C1orf174: variants seen among roughly 807,000 people sequenced by gnomAD.
C1orf174 encodes chromosome 1 open reading frame 174.
Under a neutral mutation model 18.4 loss-of-function variants are expected in C1orf174, and 13 were observed. That is an observed-to-expected ratio of 0.71 (90% confidence interval 0.46 to 1.12). The LOEUF (loss-of-function observed/expected upper bound fraction) is 1.12. C1orf174 is among the 50% of genes most tolerant of loss of function. The probability of loss-of-function intolerance (pLI) is 0.00; values close to 1 mark genes in which losing one functional copy is unlikely to be tolerated. For synonymous variants in C1orf174, 100 were observed against 118.3 expected (o/e 0.85, Z 1.01); for missense variants, 309 against 308.0 (o/e 1.00, Z -0.02).
chr1:3,897,892 TG>T (rs943532014), intron 1 of C1orf174, among the ~76,000 whole-genome samples: 19 of 152,104 alleles, frequency 1.2e-4, no homozygotes, highest in Admixed American at 3.9e-4. Context: ...ATCAATCTCC[TG>T]ACCTTGTGAT....
chr1:3,892,834 T>TGGACCC (rs1557739364), intron 2 of C1orf174, 49 bp downstream of exon 2: 1 of 1,592,832 alleles, frequency 6.3e-7, no homozygotes, highest in African/African-American at 1.3e-5. Context: ...TGTATAAAAA[T>TGGACCC]GGACCCTCGA....
At chr1:3,891,587 C>G in intron 2 of C1orf174, 2 of 987,420 alleles carry the variant, frequency 2.0e-6, no homozygotes, top group Non-Finnish European at 2.4e-6. Flanking sequence ...CAAGTCCTAA[C>G]CCCTCAACTG....
intron 1 of C1orf174, among the ~76,000 whole-genome samples, chr1:3,894,849 C>A (rs181923416): frequency 6.6e-6 from 1 of 152,202 alleles, no homozygotes; most frequent in Non-Finnish European, 1.5e-5. Flanking sequence ...CCACAGCACA[C>A]CGGGGGCTGC....
rs1258952319 is a variant in C1orf174, at chr1:3,889,870, G to T, written c.*90C>A. On this transcript the variant is annotated 3_prime_UTR_variant, in exon 4 of 4. Coordinates refer to ENST00000361605, the MANE Select transcript of C1orf174 (RefSeq NM_207356.3). Reference sequence around the variant, plus strand: ...TGAAGTTTGATTAAGACATTCTCTTGGAGATACATTTTATATAAATCTTGT... The same window carrying T: ...TGAAGTTTGATTAAGACATTCTCTTTGAGATACATTTTATATAAATCTTGT... 4.3e-6 allele frequency: 5 copies of T among 1,168,152 alleles called. No individual in the cohort carries two copies. The East Asian group carries it at 9.4e-5, about 22-fold the overall frequency. The allele number at this position is 1,168,152 out of a possible 1,614,324, so 72.4% of individuals were successfully genotyped here. A position where few individuals can be genotyped will look rare whatever the true frequency, so the allele number is the denominator to read the frequency against.
At chr1:3,894,901 C>T (rs971975675) in intron 1 of C1orf174, among the ~76,000 whole-genome samples, 3 of 152,316 alleles carry the variant, frequency 2.0e-5, no homozygotes, top group African/African-American at 4.8e-5. Flanking sequence ...CTGAGAGCCC[C>T]GGCAGACGTC....
intron 3 of C1orf174, 43 bp from the exon 4 acceptor site, chr1:3,890,116 T>C: frequency 6.8e-7 from 1 of 1,480,214 alleles, no homozygotes; most frequent in Non-Finnish European, 9.4e-7. Flanking sequence ...GAGCAATACA[T>C]ATCTGCACCC....
intron 1 of C1orf174, among the ~76,000 whole-genome samples, chr1:3,899,066 C>T (rs2124789376): frequency 6.6e-6 from 1 of 151,994 alleles, no homozygotes; most frequent in South Asian, 2.1e-4. Flanking sequence ...GAAAAAAAAT[C>T]ATTAAATTAA....
chr1:3,889,733 G>T lies in C1orf174; in HGVS notation c.*227C>A. ...AAAAAAAAAAAAAAGAAAGGACATT[G>T]GCACAGTACAGCAGCTTTGCAACCT... On this transcript the variant is annotated 3_prime_UTR_variant, in exon 4 of 4. Coordinates refer to ENST00000361605, the MANE Select transcript of C1orf174 (RefSeq NM_207356.3). The T allele has an allele frequency of 4.8e-6, 2 of 418,300 alleles. No homozygotes were observed. The highest frequency in any genetic ancestry group is 8.7e-6 in the Non-Finnish European group (2 of 228,762). 25.9% of individuals were successfully genotyped at this position (418,300 alleles called of 1,614,324 possible). A position where few individuals can be genotyped will look rare whatever the true frequency, so the allele number is the denominator to read the frequency against.
chr1:3,896,348 AC>A (rs1427623277), intron 1 of C1orf174, among the ~76,000 whole-genome samples: 6 of 152,130 alleles, frequency 3.9e-5, no homozygotes, highest in African/African-American at 1.4e-4. Context: ...GGCCCCATCA[AC>A]CCCGTCCTAG....
chr1:3,889,889 ATC>A lies in C1orf174; in HGVS notation c.*69_*70del. On this transcript the variant is annotated 3_prime_UTR_variant, in exon 4 of 4. Coordinates refer to ENST00000361605, the MANE Select transcript of C1orf174 (RefSeq NM_207356.3). ...TCTCTTGGAGATACATTTTATATAA[ATC>A]TTGTAATGTGCTAAATTGTCAAATT... 7.7e-7 allele frequency: 1 copy of A among 1,298,450 alleles called. No individual in the cohort carries two copies. The highest frequency in any genetic ancestry group is 1.1e-6 in the Non-Finnish European group (1 of 893,546). 80.4% of individuals were successfully genotyped at this position (1,298,450 alleles called of 1,614,324 possible).
intron 1 of C1orf174, chr1:3,895,371 C>T (rs1638588253): frequency 1.3e-5 from 2 of 152,280 alleles, no homozygotes; most frequent in Non-Finnish European, 1.5e-5. Context: ...TGTTCTACGC[C>T]TGCACGTCTT....
Position 3,892,661 on chromosome 1 carries a change from C to G in C1orf174, c.129+222G>C, listed in dbSNP as rs1353599340. 2.2e-6 allele frequency: 3 copies of G among 1,381,240 alleles called. No homozygotes were observed. The South Asian group carries it at 4.5e-5, about 21-fold the overall frequency. The allele number at this position is 1,381,240 out of a possible 1,614,324, so 85.6% of individuals were successfully genotyped here. On this transcript the variant is annotated intron_variant, in intron 2 of 3. Coordinates refer to ENST00000361605, the MANE Select transcript of C1orf174 (RefSeq NM_207356.3). ...ATCAGAGCCCGGGTCTAGACACACA[C>G]ACGGGTGGGCGGGTGCTAGGAGAGC...
At chr1:3,896,720 G>A (rs1013700623) in intron 1 of C1orf174, among the ~76,000 whole-genome samples, 9 of 152,216 alleles carry the variant, frequency 5.9e-5, no homozygotes, top group Non-Finnish European at 1.3e-4. Context: ...AGGCCTCTTG[G>A]ACACAGAACA....
intron 1 of C1orf174, 117 bp downstream of exon 1, chr1:3,900,055 G>A: frequency 7.7e-7 from 1 of 1,303,622 alleles, no homozygotes; most frequent in Non-Finnish European, 1.0e-6. Context: ...CGAGGCCCAA[G>A]CGGAGGCCGC....
At position 3,900,220 on chromosome 1, in the gene C1orf174, C is replaced by A; in HGVS notation, c.-34G>T. 1.9e-6 allele frequency: 3 copies of A among 1,560,878 alleles called. No individual in the cohort carries two copies. Among genetic ancestry groups the A allele is most frequent in the Middle Eastern group, 1.7e-4 (1 of 5,832 alleles). ...GCACCGCAGCCAAGCACCGCGCGCC[C>A]CGGCCAACGCGTCCCGGCGGAGCGG... On this transcript the variant is annotated 5_prime_UTR_variant, in exon 1 of 4. Coordinates refer to ENST00000361605, the MANE Select transcript of C1orf174 (RefSeq NM_207356.3).
In C1orf174 at chr1:3,900,228, C is replaced by A; in HGVS notation, c.-42G>T. The A allele has an allele frequency of 1.3e-6, 2 of 1,547,864 alleles. No homozygotes were observed. Among genetic ancestry groups the A allele is most frequent in the South Asian group, 1.2e-5 (1 of 84,898 alleles). Reference sequence around the variant, plus strand: ...GCCAAGCACCGCGCGCCCCGGCCAACGCGTCCCGGCGGAGCGGCGACCCGG... The same window carrying A: ...GCCAAGCACCGCGCGCCCCGGCCAAAGCGTCCCGGCGGAGCGGCGACCCGG... On this transcript the variant is annotated 5_prime_UTR_variant, in exon 1 of 4. Transcript: ENST00000361605.
At position 3,900,156 on chromosome 1, in the gene C1orf174, G is replaced by GT. The variant is rs1557742679; in HGVS notation, c.15+15_15+16insA. On this transcript the variant is annotated intron_variant, in intron 1 of 3. Coordinates refer to ENST00000361605, the MANE Select transcript of C1orf174 (RefSeq NM_207356.3). ...CGCCCTGCCCGGCGCAGCTGCTGCC[G>GT]GGACCCAGCCCTCACCTTCCGGCTC... 42 of 1,578,558 alleles carry GT rather than the reference G, an allele frequency of 2.7e-5. No homozygotes were observed. The highest frequency in any genetic ancestry group is 3.6e-5 in the Non-Finnish European group (42 of 1,171,706).
chr1:3,894,408 C>T (rs1046767766), intron 1 of C1orf174, among the ~76,000 whole-genome samples: 95 of 151,966 alleles, frequency 6.3e-4, no homozygotes, highest in East Asian at 9.7e-4. Flanking sequence ...GAGATCGAGA[C>T]CATCCCGGCT....
chr1:3,897,826 G>A (rs980056901), intron 1 of C1orf174, among the ~76,000 whole-genome samples: 11 of 152,002 alleles, frequency 7.2e-5, no homozygotes, highest in East Asian at 1.9e-4. Flanking sequence ...ACCACGCCCC[G>A]CTAATTTTTT....
Sources: allele counts gnomAD v4.1 joint callset (sites outside exome capture counted in the v4.1 genomes callset), GRCh38; gene constraint gnomAD v4.1.1; transcripts MANE v1.5; gene names NCBI Gene and HGNC (gene_info 2026-07-23, HGNC 2026-07-21).